PLD1: variants seen among roughly 807,000 people sequenced by gnomAD.
The protein encoded by PLD1 is choline phosphatase 1.
A neutral mutation model predicts 137.1 loss-of-function variants in PLD1; 112 were observed. That is an observed-to-expected ratio of 0.82 (90% confidence interval 0.70 to 0.96). The LOEUF (loss-of-function observed/expected upper bound fraction) is 0.96, where lower values mean the gene tolerates loss of function less well. Among genes scored for constraint, PLD1 ranks in the 40% least tolerant of loss-of-function variants. The probability of loss-of-function intolerance (pLI) is 0.00; values close to 1 mark genes in which losing one functional copy is unlikely to be tolerated. For synonymous variants in PLD1, 431 were observed against 454.7 expected, an observed-to-expected ratio of 0.95 and a Z score of 0.66; for missense variants, 1,321 against 1,342.0, an observed-to-expected ratio of 0.98 and a Z score of 0.24.
At chr3:171,750,994 C>A (rs1453779658) in intron 1 of PLD1, among the ~76,000 whole-genome samples, 1 of 151,916 alleles carries the variant, frequency 6.6e-6, no homozygotes, top group Non-Finnish European at 1.5e-5. Context: ...AGGGACCCCC[C>A]CCAAAACAAA....
intron 25 of PLD1, among the ~76,000 whole-genome samples, chr3:171,611,857 A>C (rs1048437790): frequency 6.6e-6 from 1 of 152,124 alleles, no homozygotes; most frequent in African/African-American, 2.4e-5. Context: ...AGGCAGGAGG[A>C]TCACTTAAAG....
intron 23 of PLD1, among the ~76,000 whole-genome samples, chr3:171,634,389 C>T (rs1054033640): frequency 1.2e-4 from 19 of 152,126 alleles, no homozygotes; most frequent in African/African-American, 4.3e-4. Context: ...AAGCCACTGC[C>T]AGCGCTGAAT....
chr3:171,643,454 A>G (rs956855743), intron 22 of PLD1, among the ~76,000 whole-genome samples: 10 of 152,044 alleles, frequency 6.6e-5, no homozygotes, highest in Non-Finnish European at 1.5e-5. Context: ...CAAAAATTCT[A>G]TGCTTCATCT....
In PLD1 at chr3:171,726,083, A is replaced by G. The variant is rs1440296392; in HGVS notation, c.607-7T>C. 1.9e-6 allele frequency: 3 copies of G among 1,606,880 alleles called. No individual in the cohort carries two copies. The highest frequency in any genetic ancestry group is 1.3e-5 in the African/African-American group (1 of 74,810). On this transcript the variant is annotated splice_polypyrimidine_tract_variant and splice_region_variant and intron_variant, in intron 6 of 26. Transcript: ENST00000351298. The stretch of plus-strand genomic sequence containing the variant: ...TTATATCAAGAAACTCTGTCTGAAA[A>G]GAAGCAAAAAATCCATCTTTAGCAA...
chr3:171,775,428 T>A (rs985342464), intron 1 of PLD1, among the ~76,000 whole-genome samples: 2 of 152,238 alleles, frequency 1.3e-5, no homozygotes, highest in African/African-American at 4.8e-5. Flanking sequence ...TGTAATCCTA[T>A]GCATTTTAAT....
intron 1 of PLD1, among the ~76,000 whole-genome samples, chr3:171,784,595 T>A (rs2108345005): frequency 6.6e-6 from 1 of 152,290 alleles, no homozygotes; most frequent in South Asian, 2.1e-4. Context: ...CCAAAGAATG[T>A]CTCATCTCTG....
At position 171,708,539 on chromosome 3, in the gene PLD1, T is replaced by C. The variant is rs141863756; in HGVS notation, c.1145+216A>G. ...TGCTTCCAAATGCAAATATAAAACC[T>C]AATTGTTCAAACTAAGTATTTTATG... On this transcript the variant is annotated intron_variant, in intron 11 of 26. Transcript: ENST00000351298. Among the ~76,000 whole-genome samples the C allele has an allele frequency of 2.1e-3, 320 of 152,314 alleles. 3 individuals are homozygous for C. The highest frequency in any genetic ancestry group is 6.9e-3 in the African/African-American group (285 of 41,564).
chr3:171,796,505 T>C (rs190449437), intron 1 of PLD1, among the ~76,000 whole-genome samples: 6 of 152,330 alleles, frequency 3.9e-5, no homozygotes, highest in Admixed American at 3.3e-4. Context: ...AATATACGAA[T>C]GCCTGTTATA....
At position 171,602,445 on chromosome 3, in the gene PLD1, A is replaced by G. The variant is rs1393559500; in HGVS notation, c.*633T>C. ...TTAGTGGTGTCAAGATACAGTGTCA[A>G]TGTTACCAGAAGTGCCTAACACAGT... On this transcript the variant is annotated 3_prime_UTR_variant, in exon 27 of 27. Coordinates refer to ENST00000351298, the MANE Select transcript of PLD1 (RefSeq NM_002662.5). 6.5e-6 allele frequency: 1 copy of G among 152,794 alleles called. No individual in the cohort carries two copies. The highest frequency in any genetic ancestry group is 2.4e-5 in the African/African-American group (1 of 41,452). The allele number at this position is 152,794 out of a possible 1,614,324, so 9.5% of individuals were successfully genotyped here. A position where few individuals can be genotyped will look rare whatever the true frequency, so the allele number is the denominator to read the frequency against.
At chr3:171,729,257 T>C (rs181448247) in intron 6 of PLD1, among the ~76,000 whole-genome samples, 38 of 152,308 alleles carry the variant, frequency 2.5e-4, no homozygotes, top group Middle Eastern at 6.8e-3. Flanking sequence ...ATGAATACAA[T>C]TGAAATAATG....
At chr3:171,631,014 T>A (rs1169064028) in intron 23 of PLD1, among the ~76,000 whole-genome samples, 1 of 151,732 alleles carries the variant, frequency 6.6e-6, no homozygotes, top group African/African-American at 2.4e-5. Context: ...TAAAGTATAA[T>A]AATAATGAAA....
At chr3:171,760,434 T>C (rs1245005659) in intron 1 of PLD1, among the ~76,000 whole-genome samples, 1 of 152,254 alleles carries the variant, frequency 6.6e-6, no homozygotes, top group East Asian at 1.9e-4. Context: ...ACCGTGGTTC[T>C]ATAAAAAGAA....
chr3:171,647,809 T>C lies in PLD1; in HGVS notation c.2430-2786A>G, dbSNP rs146224716. ...ATACAATGTTGTACAACTATCATAA[T>C]GATCTATTCCCAAACCTTTTCAACA... is the stretch of plus-strand genomic sequence containing the variant. On this transcript the variant is annotated intron_variant, in intron 21 of 26. Transcript: ENST00000351298. 4.3e-3 allele frequency among the ~76,000 whole-genome samples: 662 copies of C among 152,284 alleles called. 2 individuals are homozygous for C. Among genetic ancestry groups the C allele is most frequent in the African/African-American group, 0.015 (635 of 41,564 alleles).
chr3:171,670,863 A>C (rs892145387), intron 19 of PLD1, among the ~76,000 whole-genome samples: 1 of 152,206 alleles, frequency 6.6e-6, no homozygotes, highest in Non-Finnish European at 1.5e-5. Flanking sequence ...AAAAATTAAG[A>C]AGTGTATCTG....
intron 1 of PLD1, among the ~76,000 whole-genome samples, chr3:171,781,221 A>G (rs1273275405): frequency 2.2e-5 from 3 of 139,476 alleles, no homozygotes; most frequent in Non-Finnish European, 4.6e-5. Flanking sequence ...GAGAAAAAAA[A>G]TGACTTATTA....
chr3:171,612,507 T>C lies in PLD1; in HGVS notation c.2729-75A>G. 1 of 1,399,452 alleles carries C rather than the reference T, an allele frequency of 7.1e-7. No individual in the cohort carries two copies. The highest frequency in any genetic ancestry group is 1.0e-6 in the Non-Finnish European group (1 of 994,288). 86.7% of individuals were successfully genotyped at this position (1,399,452 alleles called of 1,614,324 possible). Reference sequence around the variant, plus strand: ...CTGTTGGTTGCCCTCCCAACTCAATTCATCCTTGCAAACAAAACCGTAATT... The same window carrying C: ...CTGTTGGTTGCCCTCCCAACTCAATCCATCCTTGCAAACAAAACCGTAATT... On this transcript the variant is annotated intron_variant, in intron 24 of 26. Coordinates refer to ENST00000351298, the MANE Select transcript of PLD1 (RefSeq NM_002662.5). This position sits in a 1 kb window ranked among gnomAD's most constrained non-coding sequence, Gnocchi z 4.1.
intron 7 of PLD1, among the ~76,000 whole-genome samples, chr3:171,725,247 G>A (rs1390302071): frequency 6.6e-6 from 1 of 152,072 alleles, no homozygotes; most frequent in Non-Finnish European, 1.5e-5. Flanking sequence ...GTGACACTGT[G>A]ACAAACTAAA....
At chr3:171,792,772 C>G (rs1327391078) in intron 1 of PLD1, 2 of 447,506 alleles carry the variant, frequency 4.5e-6, no homozygotes, top group Non-Finnish European at 9.0e-6. Flanking sequence ...CACCCTCCCC[C>G]CAGATTTGCA....
intron 1 of PLD1, among the ~76,000 whole-genome samples, chr3:171,763,881 C>T (rs1347097186): frequency 7.4e-6 from 1 of 135,496 alleles, no homozygotes; most frequent in Non-Finnish European, 1.5e-5. Context: ...GTCTCCATGC[C>T]GATGAAGTTG....
Sources: allele counts gnomAD v4.1 joint callset (sites outside exome capture counted in the v4.1 genomes callset), GRCh38; gene constraint gnomAD v4.1.1; non-coding constraint Gnocchi (gnomAD v3.1); transcripts MANE v1.5; gene names NCBI Gene and HGNC (gene_info 2026-07-23, HGNC 2026-07-21).